The following RIMKLB variants were observed in gnomAD, a reference collection of about 807,000 sequenced individuals.
The protein encoded by RIMKLB is beta-citrylglutamate synthase B.
A neutral mutation model predicts 32.0 loss-of-function variants in RIMKLB; 7 were observed. That is an observed-to-expected ratio of 0.22 (90% CI 0.12 to 0.41). RIMKLB has a LOEUF of 0.41. Ranked by LOEUF, RIMKLB falls within the 10% of genes least tolerant of loss-of-function variation. The pLI is 1.00. For synonymous variants in RIMKLB, 172 were observed against 185.1 expected, an observed-to-expected ratio of 0.93 and a Z score of 0.57; for missense variants, 289 against 498.7, an observed-to-expected ratio of 0.58 and a Z score of 4.00.
At chr12:8,745,344 A>G (rs1216661758) in intron 2 of RIMKLB, among the ~76,000 whole-genome samples, 7 of 151,198 alleles carry the variant, frequency 4.6e-5, no homozygotes, top group African/African-American at 1.2e-4. Flanking sequence ...TTTTACTTTC[A>G]TATTTTCAAC....
chr12:8,767,615 A>C (rs1950075690), intron 5 of RIMKLB, among the ~76,000 whole-genome samples: 1 of 152,206 alleles, frequency 6.6e-6, no homozygotes, highest in South Asian at 2.1e-4. Context: ...GCATCTGTTG[A>C]GTAGAGACTT....
chr12:8,703,844 A>G (rs999779432), intron 1 of RIMKLB, among the ~76,000 whole-genome samples: 3 of 152,378 alleles, frequency 2.0e-5, no homozygotes, highest in African/African-American at 7.2e-5. Context: ...TGATAAAAAT[A>G]AACCATCTCA....
At chr12:8,772,251 T>C (rs1001031992) in intron 5 of RIMKLB, among the ~76,000 whole-genome samples, 1 of 152,264 alleles carries the variant, frequency 6.6e-6, no homozygotes, top group Non-Finnish European at 1.5e-5. Flanking sequence ...CTTGATTTTC[T>C]AAGTCAACTC....
intron 5 of RIMKLB, among the ~76,000 whole-genome samples, chr12:8,765,453 C>T (rs954948419): frequency 7.9e-5 from 12 of 152,256 alleles, no homozygotes; most frequent in African/African-American, 2.9e-4. Context: ...GCAGTTATGG[C>T]GGCCCTTCTC....
At chr12:8,699,292 A>G (rs1943176293) in intron 1 of RIMKLB, among the ~76,000 whole-genome samples, 1 of 152,098 alleles carries the variant, frequency 6.6e-6, no homozygotes, top group African/African-American at 2.4e-5. Context: ...TATGTTCATT[A>G]TATTTATGGG....
chr12:8,732,389 G>A (rs950985388), intron 2 of RIMKLB, among the ~76,000 whole-genome samples: 2 of 152,034 alleles, frequency 1.3e-5, no homozygotes, highest in African/African-American at 2.4e-5. Flanking sequence ...AACACATTTA[G>A]GTCCATTAAT....
At chr12:8,780,622 T>C (rs748065277), downstream of RIMKLB, 1 of 152,308 alleles carries the variant, frequency 6.6e-6, no homozygotes, top group South Asian at 2.1e-4. Context: ...ATTCTTCAGA[T>C]TGATGGCTAC....
chr12:8,714,285 G>A, intron 2 of RIMKLB: 2 of 349,810 alleles, frequency 5.7e-6, no homozygotes, highest in South Asian at 4.2e-5. Flanking sequence ...AACAAAGTAG[G>A]CGCATATCTG....
At chr12:8,723,457 T>C (rs1591747232) in intron 2 of RIMKLB, among the ~76,000 whole-genome samples, 1 of 152,178 alleles carries the variant, frequency 6.6e-6, no homozygotes, top group South Asian at 2.1e-4. Flanking sequence ...GTGAAAATTA[T>C]CAAAATGTGA....
At chr12:8,718,709 G>GTA (rs1260071026) in intron 2 of RIMKLB, among the ~76,000 whole-genome samples, 1 of 145,902 alleles carries the variant, frequency 6.9e-6, no homozygotes, top group African/African-American at 2.5e-5. Context: ...GTGTGTGTGT[G>GTA]TATAATCATT....
At chr12:8,713,626 G>T in intron 1 of RIMKLB, 185 bp from the exon 2 acceptor site, 1 of 461,670 alleles carries the variant, frequency 2.2e-6, no homozygotes, top group East Asian at 4.2e-5. Flanking sequence ...TTCTGAAGAG[G>T]TGGTCAGTTT....
At chr12:8,717,313 A>C (rs1022798296) in intron 2 of RIMKLB, among the ~76,000 whole-genome samples, 1 of 152,204 alleles carries the variant, frequency 6.6e-6, no homozygotes, top group African/African-American at 2.4e-5. Context: ...TATATCTCAA[A>C]GCCGTTTAAA....
intron 2 of RIMKLB, among the ~76,000 whole-genome samples, chr12:8,732,067 G>T (rs111737580): frequency 4.0e-5 from 6 of 151,864 alleles, no homozygotes; most frequent in Admixed American, 2.0e-4. Context: ...CTTCTGCTTG[G>T]TGTCTTGGGT....
chr12:8,701,701 A>G (rs1943417185), intron 1 of RIMKLB, among the ~76,000 whole-genome samples: 1 of 147,942 alleles, frequency 6.8e-6, no homozygotes, highest in Non-Finnish European at 1.5e-5. Flanking sequence ...AATTTTGGAT[A>G]GCTACATTTA....
intron 1 of RIMKLB, among the ~76,000 whole-genome samples, chr12:8,701,428 T>G (rs766548492): frequency 6.7e-6 from 1 of 149,612 alleles, no homozygotes; most frequent in South Asian, 2.1e-4. Flanking sequence ...TTTTTCAGTG[T>G]TTTTTTTTTC....
rs1163779323 is a variant in RIMKLB at position 8,750,053 on chromosome 12, G to T, written c.367G>T (p.Ala123Ser). 1.2e-6 allele frequency: 2 copies of T among 1,611,384 alleles called. No individual in the cohort carries two copies. The highest frequency in any genetic ancestry group is 1.7e-6 in the Non-Finnish European group (2 of 1,177,680). The change falls in exon 3 of 6, where the codon GCT becomes TCT. Residue 123 changes from alanine (A) to serine (S), a missense_variant. This residue lies in a region of RIMKLB where 156 missense variants were observed against 329.5 expected (regional missense o/e 0.47). Coordinates refer to ENST00000535829, the MANE Select transcript of RIMKLB (RefSeq NM_001297776.2). ...VNKFWTFQELAGHGVPLPDTF... is the reference protein window; with the variant it reads ...VNKFWTFQELSGHGVPLPDTF... ...TAAGTTCTGGACATTTCAAGAGTTG[G>T]CTGGCCATGGTGTTCCTCTGCCGGA...
At chr12:8,742,782 A>G in intron 2 of RIMKLB, 1 of 223,482 alleles carries the variant, frequency 4.5e-6, no homozygotes, top group Admixed American at 5.0e-5. Context: ...GCAGCTTTCC[A>G]GGAGCTGTGC....
At chr12:8,728,092 A>G (rs1946202360) in intron 2 of RIMKLB, among the ~76,000 whole-genome samples, 1 of 152,138 alleles carries the variant, frequency 6.6e-6, no homozygotes, top group Non-Finnish European at 1.5e-5. Context: ...TCCTGGAACT[A>G]GTTCTTTCTT....
At chr12:8,729,716 T>C (rs955850408) in intron 2 of RIMKLB, among the ~76,000 whole-genome samples, 1 of 152,168 alleles carries the variant, frequency 6.6e-6, no homozygotes, top group African/African-American at 2.4e-5. Flanking sequence ...CCCTATGACC[T>C]CAGCCTCCCA....
Sources: gnomAD v4.1 joint callset for allele counts (sites outside exome capture counted in the v4.1 genomes callset) on GRCh38, gnomAD v4.1.1 for gene constraint, gnomAD v4.1.1 regional missense constraint, MANE v1.5 for transcripts, NCBI Gene and HGNC (gene_info 2026-07-23, HGNC 2026-07-21) for gene names.